The following CTNNA3 variants were observed in gnomAD, a reference collection of about 807,000 sequenced individuals.
CTNNA3 encodes catenin alpha-3.
In CTNNA3, 76 loss-of-function variants were observed where a neutral mutation model predicts 95.7. The observed-to-expected ratio is 0.79, with a 90% CI of 0.66 to 0.96. CTNNA3 has a LOEUF of 0.96. Among genes scored for constraint, CTNNA3 ranks in the 40% least tolerant of loss-of-function variants. The pLI is 0.00. For synonymous variants in CTNNA3, 431 were observed against 374.4 expected, an observed-to-expected ratio of 1.15 and a Z score of -1.74; for missense variants, 1,191 against 1,089.8, an observed-to-expected ratio of 1.09 and a Z score of -1.31.
chr10:66,741,894 T>A (rs1189462832), intron 9 of CTNNA3, among the ~76,000 whole-genome samples: 1 of 152,128 alleles, frequency 6.6e-6, no homozygotes, highest in Non-Finnish European at 1.5e-5. Flanking sequence ...CCCGTCATCT[T>A]CATAAGCTGA....
intron 7 of CTNNA3, among the ~76,000 whole-genome samples, chr10:66,839,693 C>A (rs1218107055): frequency 6.6e-6 from 1 of 152,024 alleles, no homozygotes; most frequent in Non-Finnish European, 1.5e-5. Flanking sequence ...CTAATATCCT[C>A]AAACATCTCA....
At chr10:66,823,523 C>T (rs75035984) in intron 7 of CTNNA3, among the ~76,000 whole-genome samples, 1 of 152,284 alleles carries the variant, frequency 6.6e-6, no homozygotes, top group Non-Finnish European at 1.5e-5. Context: ...CAGGGAGACA[C>T]TGAGCATAGG....
At chr10:67,434,474 G>A (rs1165887539) in intron 5 of CTNNA3, among the ~76,000 whole-genome samples, 1 of 151,882 alleles carries the variant, frequency 6.6e-6, no homozygotes, top group Non-Finnish European at 1.5e-5. Flanking sequence ...CATTTTAACA[G>A]TGTCGAGATT....
At chr10:66,383,148 G>A (rs2092855923) in intron 11 of CTNNA3, among the ~76,000 whole-genome samples, 1 of 152,156 alleles carries the variant, frequency 6.6e-6, no homozygotes, top group Non-Finnish European at 1.5e-5. Flanking sequence ...AGACTTCTCT[G>A]AGCTAAAGGA....
chr10:67,633,508 G>A (rs905723532), intron 2 of CTNNA3, among the ~76,000 whole-genome samples: 2 of 152,216 alleles, frequency 1.3e-5, no homozygotes, highest in African/African-American at 4.8e-5. Context: ...CCCCCACTGG[G>A]ACAGAGCTTC....
chr10:67,710,222 C>T (rs1841099920), intron 1 of CTNNA3, among the ~76,000 whole-genome samples: 1 of 152,092 alleles, frequency 6.6e-6, no homozygotes, highest in African/African-American at 2.4e-5. Flanking sequence ...TGGCATAGCA[C>T]AACCTGGAAT....
chr10:67,500,169 C>A (rs1839182946), intron 5 of CTNNA3, among the ~76,000 whole-genome samples: 1 of 152,140 alleles, frequency 6.6e-6, no homozygotes, highest in African/African-American at 2.4e-5. Context: ...TTATTTATTT[C>A]TGCCTTACTT....
At chr10:66,623,461 CG>C (rs57383206) in intron 9 of CTNNA3, among the ~76,000 whole-genome samples, 50,468 of 151,492 alleles carry the variant, frequency 0.33, 8,795 homozygotes, top group Middle Eastern at 0.51. Flanking sequence ...TGCTGGCCAC[CG>C]AGGCTTATTA....
chr10:66,319,862 C>T (rs1261472278), intron 12 of CTNNA3, among the ~76,000 whole-genome samples: 3 of 152,092 alleles, frequency 2.0e-5, no homozygotes, highest in African/African-American at 7.2e-5. Context: ...TAAGAAAGGG[C>T]ATGAATTAAA....
intron 15 of CTNNA3, among the ~76,000 whole-genome samples, chr10:66,020,290 G>C (rs1375891866): frequency 6.6e-6 from 1 of 152,150 alleles, no homozygotes; most frequent in East Asian, 1.9e-4. Flanking sequence ...TGGAAGGTTT[G>C]GCCAAATAGA....
intron 7 of CTNNA3, chr10:66,926,495 C>G: frequency 6.8e-7 from 1 of 1,479,124 alleles, no homozygotes; most frequent in Non-Finnish European, 9.3e-7. Context: ...AGCCCTGACT[C>G]ACTACAGTGC....
intron 5 of CTNNA3, among the ~76,000 whole-genome samples, chr10:67,406,935 C>T (rs1192519660): frequency 6.6e-6 from 1 of 151,996 alleles, no homozygotes; most frequent in Non-Finnish European, 1.5e-5. Context: ...AATAGCCTAT[C>T]AACCAAAAAA....
At chr10:67,335,068 A>G (rs911564408) in intron 5 of CTNNA3, among the ~76,000 whole-genome samples, 1 of 152,168 alleles carries the variant, frequency 6.6e-6, no homozygotes, top group African/African-American at 2.4e-5. Flanking sequence ...ATGAGAAAAA[A>G]AAATCTACTG....
chr10:67,681,494 C>T (rs1325434755), intron 1 of CTNNA3, among the ~76,000 whole-genome samples: 1 of 151,968 alleles, frequency 6.6e-6, no homozygotes, highest in East Asian at 1.9e-4. Flanking sequence ...AAAGCTTACT[C>T]CCTGCTCACT....
intron 3 of CTNNA3, among the ~76,000 whole-genome samples, chr10:67,545,160 A>G (rs919323825): frequency 5.3e-5 from 8 of 152,170 alleles, no homozygotes; most frequent in Non-Finnish European, 1.2e-4. Flanking sequence ...CATGTTGGTA[A>G]AATTATATAA....
chr10:66,738,273 T>C (rs2132687998), intron 9 of CTNNA3, among the ~76,000 whole-genome samples: 1 of 152,326 alleles, frequency 6.6e-6, no homozygotes, highest in Admixed American at 6.5e-5. Context: ...TCTGCATTCT[T>C]AATGTACTTT....
intron 7 of CTNNA3, among the ~76,000 whole-genome samples, chr10:66,838,636 C>T (rs1015653020): frequency 6.6e-6 from 1 of 152,052 alleles, no homozygotes; most frequent in African/African-American, 2.4e-5. Context: ...TGCCCACCTG[C>T]CCCCAGGACT....
intron 7 of CTNNA3, among the ~76,000 whole-genome samples, chr10:66,989,511 A>T (rs1485336410): frequency 1.3e-5 from 2 of 152,192 alleles, no homozygotes; most frequent in African/African-American, 4.8e-5. Context: ...TTTGATTGTT[A>T]TATATGTTTG....
rs957420211 is a variant in CTNNA3, at chr10:65,915,388, A to G, written c.*4942T>C. 1 of 151,980 alleles carries G rather than the reference A, an allele frequency of 6.6e-6. No homozygotes were observed. Among genetic ancestry groups the G allele is most frequent in the Non-Finnish European group, 1.5e-5 (1 of 67,988 alleles). The allele number at this position is 151,980 out of a possible 1,614,324, so 9.4% of individuals were successfully genotyped here. On this transcript the variant is annotated 3_prime_UTR_variant, in exon 18 of 18. Coordinates refer to ENST00000433211, the MANE Select transcript of CTNNA3 (RefSeq NM_013266.4). Reference sequence around the variant, plus strand: ...GCTGCCTAATCTTCATAAAACCAAAAAACTCTCCCCTCATCTATGAAAGCT... The same window carrying G: ...GCTGCCTAATCTTCATAAAACCAAAGAACTCTCCCCTCATCTATGAAAGCT...
Sources: allele counts gnomAD v4.1 joint callset (sites outside exome capture counted in the v4.1 genomes callset), GRCh38; gene constraint gnomAD v4.1.1; transcripts MANE v1.5; gene names NCBI Gene and HGNC (gene_info 2026-07-23, HGNC 2026-07-21).